ST8SIA6: variants seen among roughly 807,000 people sequenced by gnomAD.
The protein encoded by ST8SIA6 is alpha-2,8-sialyltransferase 8F.
In ST8SIA6, 39 loss-of-function variants were observed where a neutral mutation model predicts 33.6. The observed-to-expected ratio is 1.16, with a 90% CI of 0.90 to 1.52. The LOEUF (loss-of-function observed/expected upper bound fraction) is 1.52. ST8SIA6 is among the 40% of genes most tolerant of loss of function. The pLI is 0.00. For missense variants in ST8SIA6, 441 were observed against 443.8 expected (o/e 0.99, Z 0.06); for synonymous variants, 172 against 167.2 (o/e 1.03, Z -0.22).
intron 3 of ST8SIA6, among the ~76,000 whole-genome samples, chr10:17,371,783 T>TAAA (rs747851635): frequency 5.1e-5 from 5 of 98,522 alleles, no homozygotes; most frequent in African/African-American, 7.9e-5. Flanking sequence ...AAGACTCCAT[T>TAAA]AAAAAAAAAA....
At chr10:17,342,264 G>A (rs1024398676) in intron 4 of ST8SIA6, among the ~76,000 whole-genome samples, 5 of 152,176 alleles carry the variant, frequency 3.3e-5, no homozygotes, top group African/African-American at 9.7e-5. Flanking sequence ...GGGAGCTTAC[G>A]TGTATTAAGA....
chr10:17,380,820 C>T (rs111226585), intron 3 of ST8SIA6, among the ~76,000 whole-genome samples: 2 of 139,228 alleles, frequency 1.4e-5, no homozygotes, highest in Admixed American at 7.4e-5. Context: ...TGTATGTGTA[C>T]GTTTGTGTGT....
chr10:17,393,162 A>G (rs1253487333), intron 2 of ST8SIA6, among the ~76,000 whole-genome samples: 3 of 152,158 alleles, frequency 2.0e-5, no homozygotes, highest in Non-Finnish European at 4.4e-5. Context: ...GGACCTTCAT[A>G]TTCAGACTGG....
rs138413404 is a variant in ST8SIA6 at position 17,388,527 on chromosome 10, G to A, written c.290+2004C>T. On this transcript the variant is annotated intron_variant, in intron 3 of 7. Transcript: ENST00000377602. ...AGTGTGTGTGTGAGAGAGAGAGAAA[G>A]AGAATTATTATTAGGAAGAGAAAGT... 3.2e-3 allele frequency among the ~76,000 whole-genome samples: 486 copies of A among 152,282 alleles called. 3 individuals carry two copies. The highest frequency in any genetic ancestry group is 0.011 in the African/African-American group (474 of 41,546).
intron 4 of ST8SIA6, among the ~76,000 whole-genome samples, chr10:17,342,122 C>T (rs1045527427): frequency 2.6e-5 from 4 of 152,070 alleles, no homozygotes; most frequent in Admixed American, 6.6e-5. Context: ...AGACAAAGAC[C>T]GATACATAGA....
rs1004466087 is a variant in ST8SIA6 at position 17,319,653 on chromosome 10, T to A, written c.*1225A>T. On this transcript the variant is annotated 3_prime_UTR_variant, in exon 8 of 8. Coordinates refer to ENST00000377602, the MANE Select transcript of ST8SIA6 (RefSeq NM_001004470.3). The stretch of plus-strand genomic sequence containing the variant: ...TCTGTTTTGATGTTCTAAAGAAAAA[T>A]TTTTAAGATAGGATATTATATGGGA... Among the ~76,000 whole-genome samples, 1 of 152,134 alleles carries A rather than the reference T, an allele frequency of 6.6e-6. No individual in the cohort carries two copies. Among genetic ancestry groups the A allele is most frequent in the African/African-American group, 2.4e-5 (1 of 41,424 alleles).
At chr10:17,446,280 C>T (rs975986778) in intron 2 of ST8SIA6, among the ~76,000 whole-genome samples, 1 of 152,082 alleles carries the variant, frequency 6.6e-6, no homozygotes, top group Non-Finnish European at 1.5e-5. Context: ...TAGGAGGAGG[C>T]TATTGCTCTT....
chr10:17,390,082 TG>T (rs1356901039), intron 3 of ST8SIA6, among the ~76,000 whole-genome samples: 1 of 152,174 alleles, frequency 6.6e-6, no homozygotes, highest in Non-Finnish European at 1.5e-5. Flanking sequence ...CTTGAATTCC[TG>T]GGTTCAAACG....
chr10:17,429,463 C>A (rs1297174685), intron 2 of ST8SIA6, among the ~76,000 whole-genome samples: 1 of 151,856 alleles, frequency 6.6e-6, no homozygotes, highest in Admixed American at 6.6e-5. Context: ...CCCGGAGACA[C>A]AGCTCAGCGG....
chr10:17,412,827 C>G (rs1851495292), intron 2 of ST8SIA6, among the ~76,000 whole-genome samples: 1 of 152,024 alleles, frequency 6.6e-6, no homozygotes, highest in African/African-American at 2.4e-5. Flanking sequence ...AAAATAGCTA[C>G]AAGAGAAAAA....
intron 2 of ST8SIA6, among the ~76,000 whole-genome samples, chr10:17,415,245 A>G (rs1426555595): frequency 6.6e-6 from 1 of 152,198 alleles, no homozygotes; most frequent in Non-Finnish European, 1.5e-5. Flanking sequence ...CCAAAATATG[A>G]CACTTCAGAC....
intron 4 of ST8SIA6, among the ~76,000 whole-genome samples, chr10:17,349,432 T>C (rs1848959617): frequency 2.0e-5 from 3 of 152,172 alleles, no homozygotes; most frequent in Admixed American, 2.0e-4. Flanking sequence ...CTGGAAATAA[T>C]CAGAATAGCT....
intron 2 of ST8SIA6, among the ~76,000 whole-genome samples, chr10:17,434,687 T>C (rs12246530): frequency 0.19 from 29,249 of 151,964 alleles, 4,604 homozygotes; most frequent in African/African-American, 0.44. Context: ...ATACAGCCTG[T>C]ACGCAGCAGG....
intron 2 of ST8SIA6, among the ~76,000 whole-genome samples, chr10:17,402,306 T>C (rs1287955235): frequency 6.6e-6 from 1 of 152,110 alleles, no homozygotes; most frequent in Non-Finnish European, 1.5e-5. Flanking sequence ...TGTGGAGAAA[T>C]AGGAACACTT....
chr10:17,425,618 GAAGA>G (rs1465962329), intron 2 of ST8SIA6, among the ~76,000 whole-genome samples: 57 of 132,390 alleles, frequency 4.3e-4, no homozygotes, highest in South Asian at 7.5e-4. Context: ...AAAGAGAAAG[GAAGA>G]AAGAAAGAAA....
At chr10:17,351,522 A>T (rs771653567) in intron 4 of ST8SIA6, among the ~76,000 whole-genome samples, 1 of 148,088 alleles carries the variant, frequency 6.8e-6, no homozygotes, top group Non-Finnish European at 1.5e-5. Flanking sequence ...GCCCCACATA[A>T]CATGACAGCT....
chr10:17,442,086 T>G (rs1039679683), intron 2 of ST8SIA6, among the ~76,000 whole-genome samples: 2 of 151,748 alleles, frequency 1.3e-5, no homozygotes, highest in Non-Finnish European at 2.9e-5. Flanking sequence ...CCAGGCTGGT[T>G]TCAAACTCCT....
At chr10:17,410,151 A>G (rs944019991) in intron 2 of ST8SIA6, 8 of 152,212 alleles carry the variant, frequency 5.3e-5, no homozygotes, top group Admixed American at 4.6e-4. Flanking sequence ...TTTGGGGTTT[A>G]TTTGTGGAGT....
chr10:17,392,562 C>A (rs1046249236), intron 2 of ST8SIA6, among the ~76,000 whole-genome samples: 2 of 152,024 alleles, frequency 1.3e-5, no homozygotes, highest in Non-Finnish European at 2.9e-5. Context: ...AAATGGGGAG[C>A]AGCCTGGATT....
Sources: allele counts gnomAD v4.1 joint callset (sites outside exome capture counted in the v4.1 genomes callset), GRCh38; gene constraint gnomAD v4.1.1; transcripts MANE v1.5; gene names NCBI Gene and HGNC (gene_info 2026-07-23, HGNC 2026-07-21).